PRKDC: variants seen among roughly 807,000 people sequenced by gnomAD.
PRKDC encodes the protein DNA-dependent protein kinase catalytic subunit.
PRKDC carries 82 observed loss-of-function variants against 486.9 expected under a neutral mutation model. The observed-to-expected ratio is 0.17, with a 90% CI of 0.14 to 0.20. The LOEUF (loss-of-function observed/expected upper bound fraction) is 0.20, where lower values mean the gene tolerates loss of function less well. Among genes scored for constraint, PRKDC ranks in the 10% least tolerant of loss-of-function variants. PRKDC has a pLI of 1.00. For synonymous variants in PRKDC, 1,895 were observed against 1,837.0 expected (o/e 1.03, Z -0.81); for missense variants, 4,504 against 5,038.2 (o/e 0.89, Z 3.21).
chr8:47,782,499 G>A lies in PRKDC; in HGVS notation c.11275C>T (p.Arg3759Trp), dbSNP rs1194708185. The part of the protein sequence containing the change: ...PFLVKGGEDL[R>W]QDQRVEQLFQ... ...AGCTGCTCCACGCGCTGGTCCTGCC[G>A]CAGGTCCTCGCCACCCTTCACCAGG... Residue 3759 changes from arginine (R) to tryptophan (W), a missense_variant, in exon 79 of 86, where the codon CGG becomes TGG. By Grantham distance (101) the Arg-to-Trp change is moderately radical. This residue lies in a region of PRKDC where 706 missense variants were observed against 945.0 expected (regional missense o/e 0.75). Coordinates refer to ENST00000314191, the MANE Select transcript of PRKDC (RefSeq NM_006904.7). This position sits in a 1 kb window ranked among gnomAD's most constrained non-coding sequence, Gnocchi z 4.9. 17 of 1,577,558 alleles carry A rather than the reference G, an allele frequency of 1.1e-5. No individual in the cohort carries two copies. Among genetic ancestry groups the A allele is most frequent in the Non-Finnish European group, 1.4e-5 (16 of 1,162,260 alleles).
rs140578467 is a variant in PRKDC at position 47,817,446 on chromosome 8, T to G, written c.9557+4A>C. The G allele has an allele frequency of 2.7e-4, 425 of 1,575,080 alleles. 2 individuals carry two copies. The African/African-American group carries it at 4.9e-3, about 18-fold the overall frequency. On this transcript the variant is annotated splice_donor_region_variant and intron_variant, in intron 68 of 85. Transcript: ENST00000314191. Reference sequence around the variant, plus strand: ...ACATTTGACTGAAAGGGACCACGTCTTACCGATTTGTGATGATGTCATCCC... The same window carrying G: ...ACATTTGACTGAAAGGGACCACGTCGTACCGATTTGTGATGATGTCATCCC...
intron 7 of PRKDC, among the ~76,000 whole-genome samples, chr8:47,946,541 G>A (rs1456028125): frequency 6.6e-6 from 1 of 151,938 alleles, no homozygotes; most frequent in East Asian, 1.9e-4. Flanking sequence ...AACTCCACCG[G>A]ATGCGAGGCA....
intron 4 of PRKDC, among the ~76,000 whole-genome samples, chr8:47,955,321 G>C (rs1489110588): frequency 6.7e-6 from 1 of 150,004 alleles, no homozygotes; most frequent in Non-Finnish European, 1.5e-5. Flanking sequence ...AATTAGCCGG[G>C]CGTAGTGGCG....
intron 54 of PRKDC, among the ~76,000 whole-genome samples, chr8:47,845,093 T>G (rs1589737345): frequency 6.6e-6 from 1 of 152,196 alleles, no homozygotes; most frequent in East Asian, 1.9e-4. Context: ...GGTGTGCACC[T>G]CTAGTCCCAG....
Position 47,776,360 on chromosome 8 carries a change from T to C in PRKDC, c.12182+484A>G, listed in dbSNP as rs535114319. On this transcript the variant is annotated intron_variant, in intron 85 of 85. Coordinates refer to ENST00000314191, the MANE Select transcript of PRKDC (RefSeq NM_006904.7). ...TTTTCATTCCTATGAATCATCTCCA[T>C]AAATTTCTATTTGCTTTAGACCTCA... Among the ~76,000 whole-genome samples, 3 of 152,322 alleles carry C rather than the reference T, an allele frequency of 2.0e-5. No homozygotes were observed. The South Asian group carries it at 6.2e-4, about 32-fold the overall frequency.
intron 58 of PRKDC, among the ~76,000 whole-genome samples, chr8:47,834,839 C>T (rs937209892): frequency 6.6e-6 from 1 of 151,656 alleles, no homozygotes. Context: ...TACAGGCGCC[C>T]GCTACCACGC....
intron 65 of PRKDC, 30 bp downstream of exon 65, chr8:47,821,574 A>C (rs1185297805): frequency 6.5e-7 from 1 of 1,550,220 alleles, no homozygotes; most frequent in East Asian, 2.4e-5. Context: ...TAAAATAATT[A>C]TTTCAATCAC....
chr8:47,826,526 T>C, intron 63 of PRKDC, 130 bp downstream of exon 63: 1 of 950,480 alleles, frequency 1.1e-6, no homozygotes, highest in South Asian at 1.9e-5. Flanking sequence ...GAAAGACTTT[T>C]CTTTTAAATT....
intron 48 of PRKDC, 85 bp from the exon 49 acceptor site, chr8:47,857,384 A>C (rs921190383): frequency 4.3e-5 from 61 of 1,412,606 alleles, no homozygotes; most frequent in Admixed American, 4.9e-5. Context: ...TCCATCAGCT[A>C]AAATTTTATA....
In PRKDC at chr8:47,927,247, T is replaced by C. The variant is rs765862978; in HGVS notation, c.2366A>G (p.Tyr789Cys). 3.1e-6 allele frequency: 5 copies of C among 1,613,904 alleles called. No individual in the cohort carries two copies. The highest frequency in any genetic ancestry group is 4.2e-6 in the Non-Finnish European group (5 of 1,179,810). Residue 789 changes from tyrosine (Y) to cysteine (C), a missense_variant, in exon 21 of 86, where the codon TAC becomes TGC. Coordinates refer to ENST00000314191, the MANE Select transcript of PRKDC (RefSeq NM_006904.7). Reference protein sequence around the residue: ...YIDRHVMQPYYKDILPCLDGY... With the variant: ...YIDRHVMQPYCKDILPCLDGY... ...ATCCAGGCAGGGGAGAATGTCTTTGTAATAAGGCTGCATTACATGTCTGTC... is the reference window on the plus strand; with the variant it reads ...ATCCAGGCAGGGGAGAATGTCTTTGCAATAAGGCTGCATTACATGTCTGTC...
chr8:47,853,387 C>A (rs1563767639), intron 51 of PRKDC, among the ~76,000 whole-genome samples: 1 of 152,192 alleles, frequency 6.6e-6, no homozygotes. Context: ...TGCTGGGGGG[C>A]CAACACGGAG....
chr8:47,916,582 G>A (rs190606561), intron 22 of PRKDC, among the ~76,000 whole-genome samples: 166 of 152,180 alleles, frequency 1.1e-3, no homozygotes, highest in Admixed American at 2.8e-3. Context: ...TGGCAGGCTC[G>A]GTTCATTTTA....
At chr8:47,922,142 T>C (rs1376406296) in intron 21 of PRKDC, among the ~76,000 whole-genome samples, 1 of 151,804 alleles carries the variant, frequency 6.6e-6, no homozygotes, top group Non-Finnish European at 1.5e-5. Flanking sequence ...ATTTTTCTTT[T>C]TTCTTTCTTC....
chr8:47,845,520 G>C, intron 54 of PRKDC, among the ~76,000 whole-genome samples: 1 of 152,024 alleles, frequency 6.6e-6, no homozygotes, highest in East Asian at 1.9e-4. Context: ...AACACTCTAC[G>C]TAAGCAAATT....
chr8:47,890,087 G>A (rs2089427317), intron 32 of PRKDC, among the ~76,000 whole-genome samples, 170 bp downstream of exon 32: 1 of 151,492 alleles, frequency 6.6e-6, no homozygotes, highest in Non-Finnish European at 1.5e-5. Context: ...TCTCTTCCTG[G>A]TTCTTCCTGA....
intron 80 of PRKDC, among the ~76,000 whole-genome samples, chr8:47,779,600 G>GT (rs1006122587): frequency 2.6e-4 from 40 of 152,126 alleles, no homozygotes; most frequent in Non-Finnish European, 4.4e-4. Context: ...TTTTTCTTTT[G>GT]TTTTTTTGAG....
chr8:47,943,148 A>G, intron 10 of PRKDC, 61 bp downstream of exon 10: 1 of 1,548,892 alleles, frequency 6.5e-7, no homozygotes, highest in African/African-American at 1.4e-5. Context: ...CATGCATGCA[A>G]AGGGAATTTA....
chr8:47,793,323 T>C (rs2086914648), intron 74 of PRKDC, among the ~76,000 whole-genome samples: 1 of 152,166 alleles, frequency 6.6e-6, no homozygotes, highest in Non-Finnish European at 1.5e-5. Context: ...AAGCCACCCA[T>C]TAACTGCAAC....
chr8:47,899,039 TA>T (rs1270795487), intron 28 of PRKDC, among the ~76,000 whole-genome samples: 1 of 152,252 alleles, frequency 6.6e-6, no homozygotes, highest in Non-Finnish European at 1.5e-5. Flanking sequence ...TATCGTTTGG[TA>T]ATACAGCCTC....
Sources: allele counts gnomAD v4.1 joint callset (sites outside exome capture counted in the v4.1 genomes callset), GRCh38; gene constraint gnomAD v4.1.1; regional missense constraint gnomAD v4.1.1; non-coding constraint Gnocchi (gnomAD v3.1); transcripts MANE v1.5; gene names NCBI Gene and HGNC (gene_info 2026-07-23, HGNC 2026-07-21).